RUFY2: variants seen among roughly 807,000 people sequenced by gnomAD.
RUFY2 encodes RUN and FYVE domain containing 2.
Under a neutral mutation model 94.4 loss-of-function variants are expected in RUFY2, and 49 were observed. The observed-to-expected ratio is 0.52, with a 90% CI of 0.41 to 0.66. RUFY2 has a LOEUF of 0.66. Ranked by LOEUF, RUFY2 falls within the 30% of genes least tolerant of loss-of-function variation. The probability of loss-of-function intolerance (pLI) is 0.00; values close to 1 mark genes in which losing one functional copy is unlikely to be tolerated. For synonymous variants in RUFY2, 255 were observed against 235.7 expected, an observed-to-expected ratio of 1.08 and a Z score of -0.75; for missense variants, 541 against 692.8, an observed-to-expected ratio of 0.78 and a Z score of 2.46.
chr10:68,378,461 T>C, intron 12 of RUFY2: 1 of 1,336,134 alleles, frequency 7.5e-7, no homozygotes, highest in Non-Finnish European at 9.6e-7. Flanking sequence ...GTTCCTAACA[T>C]CCTTTTAGAA....
At chr10:68,363,521 G>A (rs2047603045) in intron 15 of RUFY2, 69 bp downstream of exon 15, 1 of 1,012,942 alleles carries the variant, frequency 9.9e-7, no homozygotes, top group African/African-American at 1.6e-5. Flanking sequence ...CTGCCTAATA[G>A]ATTTGGCACA....
chr10:68,387,957 C>T (rs1245411260), intron 7 of RUFY2, among the ~76,000 whole-genome samples: 1 of 151,790 alleles, frequency 6.6e-6, no homozygotes, highest in African/African-American at 2.4e-5. Context: ...GAGCCGAGAT[C>T]GCACCATCGC....
rs770995520 is a variant in RUFY2 at position 68,355,390 on chromosome 10, T to C, written c.1562A>G (p.Lys521Arg). Reference protein sequence around the residue: ...LGNKLSESKLKIEDIKEANKA... With the variant: ...LGNKLSESKLRIEDIKEANKA... ...GTTGGCTTCTTTTATGTCTTCAATT[T>C]TAAGTTTTGATCTAAAAAGATTACA... Residue 521 changes from lysine to arginine, a missense_variant, in exon 16 of 18, where the codon AAA becomes AGA. Transcript: ENST00000602465. 3.4e-5 allele frequency: 54 copies of C among 1,609,046 alleles called. No homozygotes were observed. Among genetic ancestry groups the C allele is most frequent in the Non-Finnish European group, 4.2e-5 (49 of 1,175,894 alleles).
intron 1 of RUFY2, 154 bp downstream of exon 1, chr10:68,407,032 C>G (rs1029750179): frequency 4.0e-6 from 6 of 1,484,082 alleles, no homozygotes; most frequent in East Asian, 2.5e-5. Flanking sequence ...CGGGAGCCCC[C>G]GAGTCCCAGG....
rs1354391602 is a variant in RUFY2 at position 68,355,242 on chromosome 10, C to T, written c.1599+111G>A. On this transcript the variant is annotated intron_variant, in intron 16 of 17. Transcript: ENST00000602465. ...CAGCATCCAAGCTCCTCATTCAGTG[C>T]TTCGGCCTCTATATATCCTGGGGTT... 3 of 717,826 alleles carry T rather than the reference C, an allele frequency of 4.2e-6. No individual in the cohort carries two copies. The African/African-American group carries it at 5.4e-5, about 13-fold the overall frequency. The allele number at this position is 717,826 out of a possible 1,614,324, so 44.5% of individuals were successfully genotyped here. A position where few individuals can be genotyped will look rare whatever the true frequency, so the allele number is the denominator to read the frequency against.
intron 4 of RUFY2, among the ~76,000 whole-genome samples, chr10:68,395,769 T>C (rs1247563679): frequency 6.6e-6 from 1 of 152,212 alleles, no homozygotes; most frequent in Non-Finnish European, 1.5e-5. Context: ...CTTCAGAATA[T>C]TGAGAAGCCA....
Position 68,401,705 on chromosome 10 carries a change from T to A in RUFY2, c.211A>T (p.Ile71Phe), listed in dbSNP as rs991723487. 6.2e-7 allele frequency: 1 copy of A among 1,613,674 alleles called. No homozygotes were observed. The highest frequency in any genetic ancestry group is 1.3e-5 in the African/African-American group (1 of 75,042). The change falls in exon 3 of 18, where the codon ATC (isoleucine) becomes TTC (phenylalanine). Residue 71 changes from isoleucine (I) to phenylalanine (F), a missense_variant. Physicochemically the swap from Ile to Phe is conservative, Grantham distance 21. Coordinates refer to ENST00000602465, the MANE Select transcript of RUFY2 (RefSeq NM_001330103.2). The part of the protein sequence containing the change: ...RKSFLSYNKT[I>F]WGPLELVEKL... ...TCCACCAGTTCCAAAGGGCCCCAGA[T>A]GGTTTTGTTGTAACTCAAAAATGAT... is the stretch of plus-strand genomic sequence containing the variant.
At chr10:68,377,533 C>T (rs752051970) in intron 12 of RUFY2, 10 of 985,220 alleles carry the variant, frequency 1.0e-5, no homozygotes, top group Middle Eastern at 5.2e-4. Flanking sequence ...TGTGTGTGCA[C>T]GTGTGCATAT....
At chr10:68,362,221 G>A (rs977644445) in intron 15 of RUFY2, among the ~76,000 whole-genome samples, 1 of 152,098 alleles carries the variant, frequency 6.6e-6, no homozygotes, top group African/African-American at 2.4e-5. Flanking sequence ...CAGCTACTCC[G>A]GAGGCTTGAG....
chr10:68,400,781 G>C (rs2050774395), intron 3 of RUFY2, among the ~76,000 whole-genome samples: 1 of 151,538 alleles, frequency 6.6e-6, no homozygotes, highest in South Asian at 2.1e-4. Context: ...AGGAGGCTGA[G>C]GCAGGCGGAT....
intron 12 of RUFY2, chr10:68,379,211 T>C: frequency 2.4e-6 from 1 of 423,278 alleles, no homozygotes; most frequent in Non-Finnish European, 4.2e-6. Flanking sequence ...AAGAAAAATC[T>C]ACAATATGAC....
chr10:68,380,069 A>C (rs1481365283), intron 11 of RUFY2, among the ~76,000 whole-genome samples: 1 of 151,576 alleles, frequency 6.6e-6, no homozygotes, highest in Non-Finnish European at 1.5e-5. Context: ...TGGCCTCCCA[A>C]AGTGCTGGGA....
chr10:68,347,416 TG>T (rs1314602861), intron 16 of RUFY2, among the ~76,000 whole-genome samples: 2 of 151,608 alleles, frequency 1.3e-5, no homozygotes, highest in African/African-American at 2.4e-5. Flanking sequence ...TCCCTGTAGC[TG>T]GGATTACAGG....
chr10:68,366,820 T>C (rs1290773416), intron 13 of RUFY2, among the ~76,000 whole-genome samples: 3 of 142,020 alleles, frequency 2.1e-5, no homozygotes, highest in Non-Finnish European at 4.5e-5. Flanking sequence ...TAATGTTATA[T>C]GGTATATATT....
chr10:68,396,334 G>A (rs1295172636), intron 4 of RUFY2, among the ~76,000 whole-genome samples: 1 of 151,596 alleles, frequency 6.6e-6, no homozygotes, highest in Non-Finnish European at 1.5e-5. Flanking sequence ...CCACAATACA[G>A]GTGAAGCAAT....
chr10:68,352,006 G>A (rs1285869439), intron 16 of RUFY2, among the ~76,000 whole-genome samples: 7 of 149,994 alleles, frequency 4.7e-5, no homozygotes, highest in African/African-American at 1.7e-4. Context: ...GCAGTGAGCC[G>A]AGATCATGCC....
chr10:68,386,585 T>C, intron 7 of RUFY2, among the ~76,000 whole-genome samples: 1 of 152,148 alleles, frequency 6.6e-6, no homozygotes, highest in Non-Finnish European at 1.5e-5. Context: ...CCTGACCTCA[T>C]GACCCACCCA....
At chr10:68,357,360 C>T (rs989660781) in intron 15 of RUFY2, among the ~76,000 whole-genome samples, 3 of 151,672 alleles carry the variant, frequency 2.0e-5, no homozygotes, top group African/African-American at 7.3e-5. Context: ...TCCCGAATAG[C>T]TGGGATTATA....
chr10:68,366,223 G>A (rs2047799574), intron 13 of RUFY2, among the ~76,000 whole-genome samples: 1 of 150,604 alleles, frequency 6.6e-6, no homozygotes, highest in Admixed American at 6.7e-5. Context: ...GCTACTACTT[G>A]GAAGGCTGAG....
Sources: gnomAD v4.1 joint callset for allele counts (sites outside exome capture counted in the v4.1 genomes callset) on GRCh38, gnomAD v4.1.1 for gene constraint, MANE v1.5 for transcripts, NCBI Gene and HGNC (gene_info 2026-07-23, HGNC 2026-07-21) for gene names.